MGST2: variants seen among roughly 807,000 people sequenced by gnomAD.
MGST2 encodes the protein glutathione peroxidase MGST2.
A neutral mutation model predicts 16.6 loss-of-function variants in MGST2; 9 were observed. The observed-to-expected ratio is 0.54, with a 90% CI of 0.33 to 0.95. The LOEUF (loss-of-function observed/expected upper bound fraction) is 0.95. Ranked by LOEUF, MGST2 falls within the 40% of genes least tolerant of loss-of-function variation. The pLI, the probability that MGST2 is intolerant of heterozygous loss-of-function variation, is 0.03. For synonymous variants in MGST2, 79 were observed against 68.0 expected, an observed-to-expected ratio of 1.16 and a Z score of -0.79; for missense variants, 159 against 175.1, an observed-to-expected ratio of 0.91 and a Z score of 0.52.
In MGST2 at chr4:139,719,808, C is replaced by T. The variant is rs1284470443; in HGVS notation, c.*48+15612C>T. The T allele has an allele frequency of 3.1e-6, 5 of 1,613,456 alleles. No individual in the cohort carries two copies. In the African/African-American group the frequency reaches 6.7e-5, roughly 22 times the overall value. On this transcript the variant is annotated intron_variant, in intron 5 of 5. Transcript: ENST00000616265. The stretch of plus-strand genomic sequence containing the variant: ...GCGCCATTGTTGAATGGTCCCAATT[C>T]TCCACTAGTCCTCCCAGGCATGCCC...
At chr4:139,677,273 T>G (rs1387449431) in intron 1 of MGST2, among the ~76,000 whole-genome samples, 2 of 152,224 alleles carry the variant, frequency 1.3e-5, no homozygotes, top group Non-Finnish European at 2.9e-5. Flanking sequence ...GAGGTCCTGA[T>G]GACATGTGCC....
At chr4:139,678,405 T>C in intron 1 of MGST2, 138 bp from the exon 2 acceptor site, 1 of 730,292 alleles carries the variant, frequency 1.4e-6, no homozygotes, top group Non-Finnish European at 2.5e-6. Context: ...CTGTCTTTTT[T>C]AATTGCTATC....
intron 5 of MGST2, among the ~76,000 whole-genome samples, chr4:139,720,595 T>C (rs1022369198): frequency 2.0e-5 from 3 of 152,266 alleles, no homozygotes; most frequent in Non-Finnish European, 4.4e-5. Context: ...TTTATTTGTA[T>C]ATAAATAGAC....
intron 1 of MGST2, 88 bp downstream of exon 1, chr4:139,666,165 G>T: frequency 7.4e-7 from 1 of 1,350,840 alleles, no homozygotes; most frequent in South Asian, 1.2e-5. Flanking sequence ...AGGGAGGGAG[G>T]GAGATGGGTC....
intron 5 of MGST2, chr4:139,730,193 G>A: frequency 1.7e-6 from 1 of 586,552 alleles, no homozygotes; most frequent in East Asian, 2.8e-5. Context: ...CCTTCAAATT[G>A]ATGGCTGGAG....
downstream of MGST2, among the ~76,000 whole-genome samples, chr4:139,745,193 G>C (rs1289968921): frequency 1.3e-5 from 2 of 152,192 alleles, no homozygotes; most frequent in Non-Finnish European, 2.9e-5. Flanking sequence ...CAAAGTTGGG[G>C]TGTTTGCTGG....
At chr4:139,749,093 T>A in the MGST2 span, among the ~76,000 whole-genome samples, 1 of 152,186 alleles carries the variant, frequency 6.6e-6, no homozygotes, top group Non-Finnish European at 1.5e-5. Context: ...GAAAAATATA[T>A]TTCCTTCCTC....
At chr4:139,669,395 AAGAC>A (rs901696768) in intron 1 of MGST2, among the ~76,000 whole-genome samples, 1 of 152,188 alleles carries the variant, frequency 6.6e-6, no homozygotes, top group African/African-American at 2.4e-5. Flanking sequence ...TTAGGTTTTG[AAGAC>A]AGACAGAGCT....
intron 5 of MGST2, chr4:139,730,899 A>T: frequency 1.7e-6 from 1 of 577,696 alleles, no homozygotes; most frequent in East Asian, 2.8e-5. Context: ...GGGAAGTCCA[A>T]GGCCAAGTCC....
intron 3 of MGST2, among the ~76,000 whole-genome samples, chr4:139,699,781 G>A (rs1264421649): frequency 6.6e-6 from 1 of 152,174 alleles, no homozygotes; most frequent in Non-Finnish European, 1.5e-5. Context: ...GCTTATGCCT[G>A]TAATCCCAGC....
chr4:139,747,111 G>A, the MGST2 span, among the ~76,000 whole-genome samples: 1 of 152,182 alleles, frequency 6.6e-6, no homozygotes, highest in South Asian at 2.1e-4. Flanking sequence ...GAGGATGGAG[G>A]GAAGCCCTGT....
At chr4:139,691,970 G>A (rs1361493623) in intron 2 of MGST2, among the ~76,000 whole-genome samples, 6 of 152,146 alleles carry the variant, frequency 3.9e-5, no homozygotes, top group Admixed American at 1.3e-4. Flanking sequence ...AAAGTGCTGG[G>A]ATTACAGGCA....
chr4:139,675,510 A>G (rs765104221), intron 1 of MGST2, among the ~76,000 whole-genome samples: 1 of 152,276 alleles, frequency 6.6e-6, no homozygotes, highest in Non-Finnish European at 1.5e-5. Flanking sequence ...GTTTTATAAC[A>G]GGGAAACGTC....
At chr4:139,699,021 T>C (rs114400439) in intron 3 of MGST2, among the ~76,000 whole-genome samples, 357 of 152,344 alleles carry the variant, frequency 2.3e-3, no homozygotes, top group African/African-American at 8.2e-3. Context: ...TATCATGGCA[T>C]TATTCAAGGT....
In MGST2 at chr4:139,735,272, A is replaced by C. The variant is rs1728888385; in HGVS notation, c.*49-4940A>C. On this transcript the variant is annotated intron_variant, in intron 5 of 5. Coordinates refer to the MGST2 transcript ENST00000616265. The surrounding 1 kb of genome is among the most constrained non-coding windows in gnomAD (Gnocchi z 5.8). ...GTGACTCGAGGCCCTCTTTGCACAA[A>C]ATGAGTTCTCTCTCCATTGCCGTGT... Among the ~76,000 whole-genome samples, 1 of 152,192 alleles carries C rather than the reference A, an allele frequency of 6.6e-6. No homozygotes were observed. The highest frequency in any genetic ancestry group is 1.5e-5 in the Non-Finnish European group (1 of 68,024).
chr4:139,733,637 T>TCAGGCTTCCACA (rs571266404), intron 5 of MGST2, among the ~76,000 whole-genome samples: 233 of 152,134 alleles, frequency 1.5e-3, no homozygotes, highest in Non-Finnish European at 2.0e-3. Context: ...GGTTTTGCCT[T>TCAGGCTTCCACA]CAGGCTTCTC....
chr4:139,671,259 C>G (rs970617714), intron 1 of MGST2, among the ~76,000 whole-genome samples: 3 of 152,080 alleles, frequency 2.0e-5, no homozygotes, highest in African/African-American at 2.4e-5. Context: ...AAGAGTGGGT[C>G]TGTTCAGTTG....
intron 2 of MGST2, among the ~76,000 whole-genome samples, chr4:139,689,342 G>A (rs1162611114): frequency 6.6e-6 from 1 of 152,016 alleles, no homozygotes; most frequent in East Asian, 1.9e-4. Flanking sequence ...GGCAGTGGTG[G>A]GACTCATGCT....
At position 139,704,021 on chromosome 4, in the gene MGST2, C is replaced by G. The variant is rs768037768; in HGVS notation, c.317C>G (p.Thr106Ser). 4.3e-6 allele frequency: 7 copies of G among 1,614,026 alleles called. No individual in the cohort carries two copies. The South Asian group carries it at 7.7e-5, about 18-fold the overall frequency. The change falls in exon 5 of 5, where the codon ACC (threonine) becomes AGC (serine). Residue 106 changes from threonine (T) to serine (S), a missense_variant. Thr to Ser is a moderately conservative substitution (Grantham distance 58). Transcript: ENST00000265498. ...CCCTCATGTCCACTCTGCAGGATCA[C>G]CGGTTTCCGACTGAGTCTGGGGATT... ...GYSEAAKKRI[T>S]GFRLSLGILA... is the part of the protein sequence containing the mutation.
Sources: gnomAD v4.1 joint callset for allele counts (sites outside exome capture counted in the v4.1 genomes callset) on GRCh38, gnomAD v4.1.1 for gene constraint, Gnocchi (gnomAD v3.1) non-coding constraint, MANE v1.5 for transcripts, NCBI Gene and HGNC (gene_info 2026-07-23, HGNC 2026-07-21) for gene names.